The following ZNF544 variants were observed in gnomAD, a reference collection of about 807,000 sequenced individuals.
ZNF544 encodes zinc finger protein 544.
Under a neutral mutation model 13.5 loss-of-function variants are expected in ZNF544, and 10 were observed. That is an observed-to-expected ratio of 0.74 (90% confidence interval 0.46 to 1.25). The LOEUF (loss-of-function observed/expected upper bound fraction) is 1.25. Ranked by LOEUF, ZNF544 falls within the 50% of genes most tolerant of loss-of-function variation. ZNF544 has a pLI of 0.00. For synonymous variants in ZNF544, 323 were observed against 300.5 expected (o/e 1.07, Z -0.77); for missense variants, 896 against 845.6 (o/e 1.06, Z -0.74).
chr19:58,269,475 G>T (rs886693535), intron 5 of ZNF544, among the ~76,000 whole-genome samples: 4 of 150,562 alleles, frequency 2.7e-5, no homozygotes, highest in African/African-American at 4.9e-5. Flanking sequence ...GTCGGGCATG[G>T]TGGCTCACAC....
intron 3 of ZNF544, among the ~76,000 whole-genome samples, chr19:58,240,605 T>TA (rs2043368091): frequency 6.6e-6 from 1 of 151,916 alleles, no homozygotes; most frequent in Admixed American, 6.6e-5. Context: ...GCTTAAAAAA[T>TA]ACAAAAATTA....
At chr19:58,238,628 T>C (rs8111498) in intron 3 of ZNF544, among the ~76,000 whole-genome samples, 3 of 152,074 alleles carry the variant, frequency 2.0e-5, no homozygotes, top group Non-Finnish European at 4.4e-5. Context: ...GAGGGTCTGC[T>C]GTGCGCTCAG....
At chr19:58,244,166 G>A in intron 4 of ZNF544, 110 bp downstream of exon 4, 1 of 872,234 alleles carries the variant, frequency 1.1e-6, no homozygotes, top group South Asian at 1.9e-5. Flanking sequence ...CCGCAGTGCT[G>A]GCCAGTGCTT....
Position 58,263,251 on chromosome 19 carries a change from A to G in ZNF544, c.*497A>G. ...CGAGGCAGGTGGATCACTTGAGCCCAGGAGTTTGAAACCAGCCTGGGTAAC... is the reference window on the plus strand; with the variant it reads ...CGAGGCAGGTGGATCACTTGAGCCCGGGAGTTTGAAACCAGCCTGGGTAAC... On this transcript the variant is annotated 3_prime_UTR_variant, in exon 7 of 7. Coordinates refer to ENST00000687789, the MANE Select transcript of ZNF544 (RefSeq NM_014480.4). The G allele has an allele frequency of 2.1e-6, 2 of 964,594 alleles. No homozygotes were observed. The highest frequency in any genetic ancestry group is 2.5e-6 in the Non-Finnish European group (2 of 810,374). 59.8% of individuals were successfully genotyped at this position (964,594 alleles called of 1,614,324 possible). A position where few individuals can be genotyped will look rare whatever the true frequency, so the allele number is the denominator to read the frequency against.
intron 6 of ZNF544, among the ~76,000 whole-genome samples, chr19:58,253,581 G>A (rs1349366008): frequency 6.6e-6 from 1 of 152,190 alleles, no homozygotes; most frequent in African/African-American, 2.4e-5. Context: ...TGGGACAACA[G>A]GCATGCACCA....
chr19:58,256,809 G>A (rs2047518945), intron 6 of ZNF544, among the ~76,000 whole-genome samples: 1 of 152,188 alleles, frequency 6.6e-6, no homozygotes, highest in Admixed American at 6.5e-5. Context: ...TGTAAATTAA[G>A]GGGTCAATTG....
In ZNF544 at chr19:58,261,553, C is replaced by T; in HGVS notation, c.947C>T (p.Thr316Ile). The T allele has an allele frequency of 1.2e-6, 2 of 1,614,192 alleles. No individual in the cohort carries two copies. The highest frequency in any genetic ancestry group is 1.7e-6 in the Non-Finnish European group (2 of 1,180,022). ...TCTGAGAGTCTGTGCCTTGTACAAA[C>T]AGAAAGAAGTGGCCCTGGAGAGACC... ...TCSESLCLVQ[T>I]ERSGPGETPF... Residue 316 changes from threonine (T) to isoleucine (I), a missense_variant, in exon 7 of 7, where the codon ACA (threonine) becomes ATA (isoleucine). Thr to Ile is a moderately conservative substitution (Grantham distance 89). Coordinates refer to ENST00000687789, the MANE Select transcript of ZNF544 (RefSeq NM_014480.4).
chr19:58,260,882 GA>G lies in ZNF544; in HGVS notation c.278del (p.Asn93IlefsTer30). 6.2e-7 allele frequency: 1 copy of G among 1,610,048 alleles called. No homozygotes were observed. The highest frequency in any genetic ancestry group is 8.5e-7 in the Non-Finnish European group (1 of 1,178,554). On this transcript the variant is annotated frameshift_variant, in exon 7 of 7. Transcript: ENST00000687789. LOFTEE classifies it low-confidence loss of function (END_TRUNC). ...AAGCTACCCTTGAGGAGAATAGGTT[GA>G]ATTCTGAAAAAGATCGAGCTAGGGA... is the stretch of plus-strand genomic sequence containing the variant. ...WKATLEENRL[N>X]SEKDRAREEL...
intron 6 of ZNF544, among the ~76,000 whole-genome samples, chr19:58,256,411 T>C (rs1260683621): frequency 6.6e-6 from 1 of 152,010 alleles, no homozygotes; most frequent in Non-Finnish European, 1.5e-5. Flanking sequence ...TCTCTCGGCC[T>C]CGAGGAAGGG....
At chr19:58,236,744 CTT>C (rs112780440) in intron 3 of ZNF544, among the ~76,000 whole-genome samples, 3,728 of 139,838 alleles carry the variant, frequency 0.027, 164 homozygotes, top group African/African-American at 0.092. Context: ...TTCTGTGAAA[CTT>C]TTTTTTTTTT....
At chr19:58,273,185 A>G (rs992858149) in intron 5 of ZNF544, among the ~76,000 whole-genome samples, 1 of 152,024 alleles carries the variant, frequency 6.6e-6, no homozygotes. Context: ...CTGTCTCAAA[A>G]AAAAAAAGAA....
Position 58,260,960 on chromosome 19 carries a change from C to T in ZNF544, c.354C>T (p.Pro118=). 1 of 1,614,172 alleles carries T rather than the reference C, an allele frequency of 6.2e-7. No homozygotes were observed. The highest frequency in any genetic ancestry group is 1.7e-5 in the Admixed American group (1 of 60,018). The change falls in exon 7 of 7, where the codon CCC becomes CCT. Residue 118 remains proline, a synonymous_variant. Coordinates refer to ENST00000687789, the MANE Select transcript of ZNF544 (RefSeq NM_014480.4). ...ACAGGAGTGGACCGGAGGAGCCACC[C>T]TCTTTGGTATTAGGAAAAGTGCAAG... ...EVYRSGPEEP[P]SLVLGKVQDQ...
intron 3 of ZNF544, among the ~76,000 whole-genome samples, chr19:58,234,864 T>C (rs10419946): frequency 0.047 from 7,136 of 152,342 alleles, 375 homozygotes; most frequent in African/African-American, 0.12. Flanking sequence ...AATTGTTTAT[T>C]GGCATTGGGA....
intron 5 of ZNF544, among the ~76,000 whole-genome samples, chr19:58,275,808 G>GAA (rs1246625522): frequency 1.5e-5 from 1 of 65,898 alleles, no homozygotes; most frequent in East Asian, 4.4e-4. Flanking sequence ...AAAAAGGAAA[G>GAA]AGGAAATAAT....
At position 58,261,648 on chromosome 19, in the gene ZNF544, C is replaced by T. The variant is rs142898242; in HGVS notation, c.1042C>T (p.Gln348Ter). 2,563 of 1,614,238 alleles carry T rather than the reference C, an allele frequency of 1.6e-3. 2 individuals carry two copies. The highest frequency in any genetic ancestry group is 2.0e-3 in the Non-Finnish European group (2,357 of 1,180,036). The change falls in exon 7 of 7, where the codon CAG becomes TAG. Residue 348 changes from glutamine to a stop codon, truncating the protein, a stop_gained. Transcript: ENST00000687789. LOFTEE classifies it low-confidence loss of function (END_TRUNC). ...ASSFSDCNII[Q>*]TTEKPSVCNQ... ...ATCTTTTTCTGACTGTAACATCATTCAGACTACAGAGAAGCCATCTGTGTG... is the reference window on the plus strand; with the variant it reads ...ATCTTTTTCTGACTGTAACATCATTTAGACTACAGAGAAGCCATCTGTGTG...
chr19:58,241,589 TG>T (rs1402095727), intron 3 of ZNF544, among the ~76,000 whole-genome samples: 2 of 151,488 alleles, frequency 1.3e-5, no homozygotes, highest in Non-Finnish European at 2.9e-5. Flanking sequence ...CTCCGCCTCC[TG>T]GGTTCACGCT....
chr19:58,249,115 G>A (rs549204588), intron 6 of ZNF544, among the ~76,000 whole-genome samples: 3 of 152,242 alleles, frequency 2.0e-5, no homozygotes, highest in African/African-American at 7.2e-5. Flanking sequence ...TTGTTATTTG[G>A]GGCATGGAAA....
chr19:58,245,364 C>T (rs546573683), intron 4 of ZNF544, among the ~76,000 whole-genome samples: 43 of 151,082 alleles, frequency 2.8e-4, no homozygotes, highest in African/African-American at 8.8e-4. Context: ...TACAATGGCG[C>T]GATCTCAGCT....
chr19:58,262,370 CT>C lies in ZNF544; in HGVS notation c.1765del (p.Tyr589IlefsTer3). 6.2e-7 allele frequency: 1 copy of C among 1,613,960 alleles called. No homozygotes were observed. Among genetic ancestry groups the C allele is most frequent in the Non-Finnish European group, 8.5e-7 (1 of 1,179,950 alleles). ...THCGKSFSQS[Y>X]QLVAHKRTHT... ...ACTGTGGAAAGTCCTTCAGCCAAAG[CT>C]ATCAGTTAGTTGCACATAAAAGAAC... On this transcript the variant is annotated frameshift_variant, in exon 7 of 7. Transcript: ENST00000687789. LOFTEE classifies it low-confidence loss of function (END_TRUNC).
Sources: allele counts gnomAD v4.1 joint callset (sites outside exome capture counted in the v4.1 genomes callset), GRCh38; gene constraint gnomAD v4.1.1; transcripts MANE v1.5; gene names NCBI Gene and HGNC (gene_info 2026-07-23, HGNC 2026-07-21).